EPS15L1: variants seen among roughly 807,000 people sequenced by gnomAD.
EPS15L1 encodes epidermal growth factor receptor pathway substrate 15 like 1.
A neutral mutation model predicts 117.1 loss-of-function variants in EPS15L1; 43 were observed. The ratio of observed to expected loss-of-function variants is 0.37; its 90% confidence interval spans 0.29 to 0.47. The LOEUF is 0.47. Ranked by LOEUF, EPS15L1 falls within the 20% of genes least tolerant of loss-of-function variation. EPS15L1 has a pLI of 0.99. For missense variants in EPS15L1, 981 were observed against 1,164.0 expected (o/e 0.84, Z 2.29); for synonymous variants, 459 against 470.5 (o/e 0.98, Z 0.32).
chr19:16,414,945 G>A (rs1031438381), intron 12 of EPS15L1, among the ~76,000 whole-genome samples: 2 of 152,048 alleles, frequency 1.3e-5, no homozygotes, highest in Non-Finnish European at 2.9e-5. Context: ...GGGCTCAACC[G>A]ATCCTCTTGC....
chr19:16,467,979 T>C (rs1458150183), intron 1 of EPS15L1, among the ~76,000 whole-genome samples: 2 of 152,176 alleles, frequency 1.3e-5, no homozygotes, highest in Non-Finnish European at 2.9e-5. Flanking sequence ...CAAAAGCTCC[T>C]GGATGAAGAA....
At chr19:16,361,463 G>A (rs2144628346) in intron 23 of EPS15L1, 1 of 606,330 alleles carries the variant, frequency 1.6e-6, no homozygotes, top group Non-Finnish European at 2.1e-6. Flanking sequence ...CCAAAAACCA[G>A]TGAACACAAC....
intron 4 of EPS15L1, 70 bp downstream of exon 4, chr19:16,440,792 G>A (rs1278559557): frequency 7.3e-7 from 1 of 1,376,458 alleles, no homozygotes; most frequent in Non-Finnish European, 1.0e-6. Context: ...TGTGGAAGGA[G>A]CCGTGGAGGT....
At chr19:16,380,088 T>A (rs2092344139) in intron 21 of EPS15L1, among the ~76,000 whole-genome samples, 1 of 152,002 alleles carries the variant, frequency 6.6e-6, no homozygotes, top group African/African-American at 2.4e-5. Context: ...TGCCAAAGGC[T>A]CTGGCATCTG....
rs527515971 is a variant in EPS15L1, at chr19:16,356,394, ATTCACCTCCCAGG to A, written c.2587-556_2587-544del. ...TGGCGCGATCTCGGCTCATTGCAACATTCACCTCCCAGGTTCAAGGGATTCTCTTGCCTCAGCC... is the reference window on the plus strand; with the variant it reads ...TGGCGCGATCTCGGCTCATTGCAACATTCAAGGGATTCTCTTGCCTCAGCC... On this transcript the variant is annotated intron_variant, in intron 23 of 23. Transcript: ENST00000455140. The A allele has an allele frequency of 1.9e-3, 296 of 153,328 alleles. 1 individual carries two copies. The highest frequency in any genetic ancestry group is 3.2e-3 in the Non-Finnish European group (218 of 69,080). The allele number at this position is 153,328 out of a possible 1,614,324, so 9.5% of individuals were successfully genotyped here.
At chr19:16,447,857 G>A (rs1369561191) in intron 1 of EPS15L1, among the ~76,000 whole-genome samples, 1 of 152,130 alleles carries the variant, frequency 6.6e-6, no homozygotes, top group African/African-American at 2.4e-5. Context: ...TGACTCTATA[G>A]CTAGAGTAGT....
chr19:16,443,524 A>C (rs2093052598), intron 1 of EPS15L1: 2 of 152,004 alleles, frequency 1.3e-5, no homozygotes, highest in African/African-American at 4.8e-5. Context: ...GGCCAACATG[A>C]CAAAGCGAGA....
rs768180477 is a variant in EPS15L1, at chr19:16,441,922, C to T, written c.135G>A (p.Lys45=). The T allele has an allele frequency of 2.5e-6, 4 of 1,614,084 alleles. No homozygotes were observed. In the Admixed American group the frequency reaches 6.7e-5, roughly 27 times the overall value. ...GASEAALFLK[K]SGLSDIILGK... ...CAAGGATAATGTCCGAGAGGCCAGA[C>T]TTCTTTAGAAAAAGCGCAGCTTCAC... The change falls in exon 3 of 24, where the codon AAG becomes AAA. Residue 45 remains lysine (K), a synonymous_variant. Coordinates refer to ENST00000455140, the MANE Select transcript of EPS15L1 (RefSeq NM_001258374.3).
rs760693087 is a variant in EPS15L1 at position 16,418,087 on chromosome 19, C to G, written c.968G>C (p.Arg323Thr). ...GTCTTTGCTTAACTTCCCCGTTTGC[C>G]TCGTATCGGCCAGGGCCCTGGGAGA... is the stretch of plus-strand genomic sequence containing the variant. Reference protein sequence around the residue: ...LAHIWALADTRQTGKLSKDQF... With the variant: ...LAHIWALADTTQTGKLSKDQF... Residue 323 changes from arginine (R) to threonine (T), a missense_variant, in exon 11 of 24, where the codon AGG (arginine) becomes ACG (threonine). This residue lies in a region of EPS15L1 where 819 missense variants were observed against 949.0 expected (regional missense o/e 0.86). Coordinates refer to ENST00000455140, the MANE Select transcript of EPS15L1 (RefSeq NM_001258374.3). 18 of 1,613,718 alleles carry G rather than the reference C, an allele frequency of 1.1e-5. No individual in the cohort carries two copies. The highest frequency in any genetic ancestry group is 1.1e-4 in the East Asian group (5 of 44,896).
At chr19:16,361,480 G>A (rs1334895815) in intron 23 of EPS15L1, 34 of 740,412 alleles carry the variant, frequency 4.6e-5, no homozygotes, top group Non-Finnish European at 5.9e-5. Context: ...CAACAGCCTC[G>A]GTGCGTCAGA....
Position 16,445,892 on chromosome 19 carries a change from C to T in EPS15L1, c.34-3673G>A, listed in dbSNP as rs1009320462. Among the ~76,000 whole-genome samples, 3 of 152,354 alleles carry T rather than the reference C, an allele frequency of 2.0e-5. No homozygotes were observed. In the East Asian group the frequency reaches 5.8e-4, roughly 29 times the overall value. On this transcript the variant is annotated intron_variant, in intron 1 of 23. Transcript: ENST00000455140. ...AGCAGAGCTGACCCGATGTGTTCTC[C>T]TGACCCAGCCCACTGTGCTGAGAAG...
chr19:16,453,886 TAAA>T (rs11289907), intron 1 of EPS15L1, among the ~76,000 whole-genome samples: 121 of 136,672 alleles, frequency 8.9e-4, no homozygotes, highest in African/African-American at 2.3e-3. Flanking sequence ...AGAATTCCTA[TAAA>T]AAAAAAAAAA....
intron 7 of EPS15L1, among the ~76,000 whole-genome samples, chr19:16,433,962 CATAA>C (rs56900530): frequency 0.035 from 5,254 of 148,916 alleles, 130 homozygotes; most frequent in Non-Finnish European, 0.051. Context: ...GACTCCATCT[CATAA>C]ATAAATAAAT....
chr19:16,363,945 A>G (rs1416177276), intron 22 of EPS15L1, among the ~76,000 whole-genome samples: 2 of 152,104 alleles, frequency 1.3e-5, no homozygotes, highest in African/African-American at 4.8e-5. Flanking sequence ...CCTGCAGCCC[A>G]CCCTTGCGGC....
intron 7 of EPS15L1, among the ~76,000 whole-genome samples, chr19:16,430,414 G>A (rs1256206383): frequency 1.3e-5 from 2 of 152,192 alleles, no homozygotes; most frequent in African/African-American, 4.8e-5. Flanking sequence ...CCACAACTGT[G>A]CAACCAAGGT....
At chr19:16,421,817 C>T (rs1353375955) in intron 9 of EPS15L1, among the ~76,000 whole-genome samples, 19 of 152,128 alleles carry the variant, frequency 1.2e-4, no homozygotes, top group Admixed American at 1.2e-3. Context: ...AAAGACCCTC[C>T]CGAGCACCCA....
chr19:16,466,368 T>C (rs2093305183), intron 1 of EPS15L1, among the ~76,000 whole-genome samples: 1 of 152,144 alleles, frequency 6.6e-6, no homozygotes, highest in Admixed American at 6.6e-5. Context: ...TGGTGAGACC[T>C]TTCCTGACCT....
At position 16,402,324 on chromosome 19, in the gene EPS15L1, G is replaced by A. The variant is rs753603960; in HGVS notation, c.1788C>T (p.Ala596=). The A allele has an allele frequency of 3.7e-6, 6 of 1,606,560 alleles. No individual in the cohort carries two copies. The highest frequency in any genetic ancestry group is 5.1e-6 in the Non-Finnish European group (6 of 1,177,236). Residue 596 remains alanine (A), a synonymous_variant, in exon 16 of 24, where the codon GCC becomes GCT. Coordinates refer to ENST00000455140, the MANE Select transcript of EPS15L1 (RefSeq NM_001258374.3). ...AATACGTTTATTCAACCTTTACCAT[G>A]GCTCCAAAACTGCCCCTCTCTGCCA... ...VSLAERGSFG[A]MDDPFKNKAL... is the part of the protein sequence containing the mutation.
chr19:16,470,925 C>T (rs1031970481), intron 1 of EPS15L1, among the ~76,000 whole-genome samples: 1 of 152,182 alleles, frequency 6.6e-6, no homozygotes, highest in Non-Finnish European at 1.5e-5. Context: ...TTTTATATCT[C>T]CATTTTCCAA....
Sources: gnomAD v4.1 joint callset for allele counts (sites outside exome capture counted in the v4.1 genomes callset) on GRCh38, gnomAD v4.1.1 for gene constraint, gnomAD v4.1.1 regional missense constraint, MANE v1.5 for transcripts, NCBI Gene and HGNC (gene_info 2026-07-23, HGNC 2026-07-21) for gene names.